RIPOR2: variants seen among roughly 807,000 people sequenced by gnomAD.
The protein encoded by RIPOR2 is rho family-interacting cell polarization regulator 2.
RIPOR2 carries 39 observed loss-of-function variants against 114.5 expected under a neutral mutation model. The observed-to-expected ratio is 0.34, with a 90% CI of 0.26 to 0.44. The LOEUF is 0.44. RIPOR2 is among the 20% of genes least tolerant of loss of function. The pLI is 1.00. For synonymous variants in RIPOR2, 445 were observed against 484.4 expected (o/e 0.92, Z 1.07); for missense variants, 1,007 against 1,255.1 (o/e 0.80, Z 2.99).
Position 24,953,338 on chromosome 6 carries a change from CA to C in RIPOR2, c.77-77522del, listed in dbSNP as rs1341599579. On this transcript the variant is annotated intron_variant, in intron 1 of 13. Coordinates refer to the RIPOR2 transcript ENST00000510784. Reference sequence around the variant, plus strand: ...ACAAGAGCAAAACTCTGCCCCCCCCCAAAAAAAATTAAGGTTAAATGAAATC... The same window carrying C: ...ACAAGAGCAAAACTCTGCCCCCCCCCAAAAAAATTAAGGTTAAATGAAATC... Among the ~76,000 whole-genome samples the C allele has an allele frequency of 1.9e-3, 157 of 82,484 alleles. 4 individuals are homozygous for C. Among genetic ancestry groups the C allele is most frequent in the East Asian group, 8.7e-3 (21 of 2,418 alleles). The allele number at this position is 82,484 out of a possible 152,430, so 54.1% of individuals were successfully genotyped here.
chr6:25,023,900 G>A, intron 1 of RIPOR2: 1 of 722,250 alleles, frequency 1.4e-6, no homozygotes, highest in Admixed American at 1.7e-5. Context: ...TGGTTCTTGG[G>A]GTTCTCCAGG....
chr6:25,026,618 A>G (rs1776638845), intron 1 of RIPOR2, among the ~76,000 whole-genome samples: 1 of 152,240 alleles, frequency 6.6e-6, no homozygotes, highest in Admixed American at 6.5e-5. Flanking sequence ...TTAAGAGAAA[A>G]GAGTTTTATG....
intron 1 of RIPOR2, among the ~76,000 whole-genome samples, chr6:24,902,416 C>T (rs528534181): frequency 6.6e-6 from 1 of 152,116 alleles, no homozygotes; most frequent in African/African-American, 2.4e-5. Context: ...GGAGTTTTAC[C>T]ATGTTGTCCA....
intron 1 of RIPOR2, among the ~76,000 whole-genome samples, chr6:24,978,290 G>T (rs1774158987): frequency 1.3e-5 from 2 of 152,038 alleles, no homozygotes. Flanking sequence ...GAGCCTGAAT[G>T]TCCCCGTTTC....
chr6:24,926,017 A>C (rs1770836609), intron 1 of RIPOR2, among the ~76,000 whole-genome samples: 1 of 150,204 alleles, frequency 6.7e-6, no homozygotes, highest in Non-Finnish European at 1.5e-5. Context: ...TTTTAAAACA[A>C]TGGAATCTAA....
At chr6:24,955,379 G>A (rs1013279161) in intron 1 of RIPOR2, among the ~76,000 whole-genome samples, 7 of 152,056 alleles carry the variant, frequency 4.6e-5, no homozygotes, top group African/African-American at 7.3e-5. Flanking sequence ...ATCCTAGACC[G>A]GGGCATCTGA....
chr6:24,830,426 A>T, intron 17 of RIPOR2, 83 bp downstream of exon 17: 1 of 1,140,654 alleles, frequency 8.8e-7, no homozygotes, highest in Non-Finnish European at 1.3e-6. Flanking sequence ...AAGTGGTAGG[A>T]GGACCCCTCT....
intron 1 of RIPOR2, chr6:25,023,475 T>C: frequency 1.3e-6 from 1 of 768,464 alleles, no homozygotes. Context: ...CCCTAGGACT[T>C]GGCGATGCAG....
chr6:24,854,725 T>C (rs1763272666), intron 8 of RIPOR2, among the ~76,000 whole-genome samples: 1 of 152,162 alleles, frequency 6.6e-6, no homozygotes, highest in Non-Finnish European at 1.5e-5. Context: ...TTATGAGATT[T>C]CCAGTTAAGA....
intron 1 of RIPOR2, among the ~76,000 whole-genome samples, chr6:24,979,252 T>C (rs1047485030): frequency 1.3e-5 from 2 of 150,740 alleles, no homozygotes; most frequent in African/African-American, 4.9e-5. Flanking sequence ...AGAAGGAACA[T>C]GCAATAGTTG....
chr6:24,876,136 C>T (rs1209959458), intron 1 of RIPOR2, among the ~76,000 whole-genome samples: 3 of 151,748 alleles, frequency 2.0e-5, no homozygotes, highest in African/African-American at 4.8e-5. Context: ...ACTAAAAATA[C>T]AAAATTAGCT....
At chr6:24,932,512 C>T (rs1260186716) in intron 1 of RIPOR2, among the ~76,000 whole-genome samples, 13 of 152,076 alleles carry the variant, frequency 8.5e-5, no homozygotes, top group Admixed American at 7.9e-4. Context: ...ACCAATGCTC[C>T]GAAGTTCTGT....
At chr6:24,832,059 CTG>C (rs1487327184) in intron 16 of RIPOR2, among the ~76,000 whole-genome samples, 195 bp downstream of exon 16, 1 of 152,170 alleles carries the variant, frequency 6.6e-6, no homozygotes, top group African/African-American at 2.4e-5. Context: ...CTGGAAAAAA[CTG>C]TGTGTCTGCT....
chr6:24,948,740 AG>A (rs1186762481), intron 1 of RIPOR2, among the ~76,000 whole-genome samples: 4 of 152,150 alleles, frequency 2.6e-5, no homozygotes, highest in Non-Finnish European at 4.4e-5. Flanking sequence ...CATGTTGGTC[AG>A]GCTGGTCTCA....
intron 1 of RIPOR2, among the ~76,000 whole-genome samples, chr6:25,028,674 TAAG>T (rs1776745130): frequency 6.6e-6 from 1 of 152,132 alleles, no homozygotes. Context: ...AGTTTCCACA[TAAG>T]AAAAAAATTG....
At chr6:24,828,742 T>C (rs1407682349) in intron 17 of RIPOR2, among the ~76,000 whole-genome samples, 2 of 148,498 alleles carry the variant, frequency 1.3e-5, no homozygotes, top group African/African-American at 5.0e-5. Flanking sequence ...AGGAGAGAGA[T>C]AAAAAGGAGG....
At chr6:24,830,795 A>G (rs1299695101) in intron 16 of RIPOR2, 125 bp from the exon 17 acceptor site, 6 of 942,366 alleles carry the variant, frequency 6.4e-6, no homozygotes, top group Non-Finnish European at 9.2e-6. Flanking sequence ...AGCTCACTGG[A>G]ACTTCCGCCT....
chr6:25,002,584 A>G (rs1170296870), intron 1 of RIPOR2, among the ~76,000 whole-genome samples: 3 of 152,222 alleles, frequency 2.0e-5, no homozygotes, highest in Non-Finnish European at 4.4e-5. Context: ...TTTTCTCCTT[A>G]CAAATACTGA....
intron 1 of RIPOR2, among the ~76,000 whole-genome samples, chr6:24,998,264 G>A (rs982374626): frequency 6.6e-6 from 1 of 152,036 alleles, no homozygotes; most frequent in African/African-American, 2.4e-5. Context: ...GTAATTCTTT[G>A]AGAATCTCAA....
Sources: allele counts gnomAD v4.1 joint callset (sites outside exome capture counted in the v4.1 genomes callset), GRCh38; gene constraint gnomAD v4.1.1; transcripts MANE v1.5; gene names NCBI Gene and HGNC (gene_info 2026-07-23, HGNC 2026-07-21).